The following PEX14 variants were observed in gnomAD, a reference collection of about 807,000 sequenced individuals.
PEX14 encodes peroxisomal membrane protein PEX14.
PEX14 carries 15 observed loss-of-function variants against 49.5 expected under a neutral mutation model. That is an observed-to-expected ratio of 0.30 (90% CI 0.20 to 0.47). The LOEUF is 0.47. Ranked by LOEUF, PEX14 falls within the 20% of genes least tolerant of loss-of-function variation. The pLI is 1.00. For missense variants in PEX14, 398 were observed against 494.8 expected, an observed-to-expected ratio of 0.80 and a Z score of 1.86; for synonymous variants, 210 against 212.7, an observed-to-expected ratio of 0.99 and a Z score of 0.11.
chr1:10,511,256 G>GT (rs1242157692), intron 2 of PEX14, among the ~76,000 whole-genome samples: 1 of 152,064 alleles, frequency 6.6e-6, no homozygotes, highest in African/African-American at 2.4e-5. Flanking sequence ...GTTATCTCCT[G>GT]TTTTTTCTAA....
chr1:10,496,437 C>A lies in PEX14; in HGVS notation c.84+1116C>A, dbSNP rs565633294. The stretch of plus-strand genomic sequence containing the variant: ...GGAGGCCCCACCTTGCTAGTCTCTC[C>A]GGACGTCTGCCTGCTTCCCTGGGGC... On this transcript the variant is annotated intron_variant, in intron 2 of 8. Coordinates refer to ENST00000356607, the MANE Select transcript of PEX14 (RefSeq NM_004565.3). Among the ~76,000 whole-genome samples the A allele has an allele frequency of 3.3e-5, 5 of 152,282 alleles. No individual in the cohort carries two copies. In the East Asian group the frequency reaches 9.7e-4, roughly 29 times the overall value.
chr1:10,600,726 T>A (rs1031517818), intron 4 of PEX14, among the ~76,000 whole-genome samples: 2 of 151,794 alleles, frequency 1.3e-5, no homozygotes, highest in Admixed American at 6.6e-5. Context: ...TCAAAAAAAA[T>A]AAAATAAAAT....
At chr1:10,606,328 G>C (rs1212325268) in intron 4 of PEX14, among the ~76,000 whole-genome samples, 1 of 152,190 alleles carries the variant, frequency 6.6e-6, no homozygotes, top group Non-Finnish European at 1.5e-5. Context: ...GGAGAAAGCG[G>C]GAAAAGGGCA....
At chr1:10,484,969 C>G (rs941845945) in intron 1 of PEX14, among the ~76,000 whole-genome samples, 6 of 151,692 alleles carry the variant, frequency 4.0e-5, no homozygotes, top group Admixed American at 3.9e-4. Flanking sequence ...TCACCTTTGC[C>G]ATATTGTGTT....
At chr1:10,607,362 A>G (rs1641157142) in intron 4 of PEX14, among the ~76,000 whole-genome samples, 1 of 152,134 alleles carries the variant, frequency 6.6e-6, no homozygotes, top group Non-Finnish European at 1.5e-5. Context: ...GAACATTCGT[A>G]TACAAGTCTT....
At position 10,599,250 on chromosome 1, in the gene PEX14, A is replaced by G. The variant is rs1481876488; in HGVS notation, c.182A>G (p.Glu61Gly). 1 of 1,614,054 alleles carries G rather than the reference A, an allele frequency of 6.2e-7. No individual in the cohort carries two copies. Among genetic ancestry groups the G allele is most frequent in the Non-Finnish European group, 8.5e-7 (1 of 1,179,994 alleles). ...CTCTTCTCCCCAGGGCTGACAGATG[A>G]AGAGATTGATATGGCCTTCCAGCAG... ...AFLKKKGLTD[E>G]EIDMAFQQSG... Residue 61 changes from glutamate to glycine, a missense_variant, in exon 4 of 9, where the codon GAA becomes GGA. Glu to Gly is a moderately conservative substitution (Grantham distance 98). Coordinates refer to ENST00000356607, the MANE Select transcript of PEX14 (RefSeq NM_004565.3).
chr1:10,566,509 GT>G (rs1639808217), intron 3 of PEX14, among the ~76,000 whole-genome samples: 1 of 146,004 alleles, frequency 6.8e-6, no homozygotes, highest in Non-Finnish European at 1.5e-5. Context: ...TTTTTTTGAC[GT>G]GGAATTTCAC....
intron 5 of PEX14, among the ~76,000 whole-genome samples, chr1:10,619,790 C>G (rs766433650): frequency 2.0e-5 from 3 of 152,116 alleles, no homozygotes; most frequent in Non-Finnish European, 4.4e-5. Context: ...ATTCCTGGAG[C>G]TGGACATTTC....
In PEX14 at chr1:10,495,157, T is replaced by A. The variant is rs1641536081; in HGVS notation, c.37-117T>A. On this transcript the variant is annotated intron_variant, in intron 1 of 8. Transcript: ENST00000356607. The surrounding 1 kb of genome is among the most constrained non-coding windows in gnomAD (Gnocchi z 4.2). ...ATACTCTTGTGTCGTGAAAAACCAG[T>A]GAGAGATGTGAGAAAGAGGTGCCAG... The A allele has an allele frequency of 1.9e-6, 3 of 1,568,572 alleles. No homozygotes were observed. The African/African-American group carries it at 4.0e-5, about 21-fold the overall frequency.
intron 2 of PEX14, among the ~76,000 whole-genome samples, chr1:10,526,407 C>T (rs547862049): frequency 2.6e-5 from 4 of 152,136 alleles, no homozygotes; most frequent in Admixed American, 6.5e-5. Context: ...TTATTACAGA[C>T]GGTGTTTCAC....
At chr1:10,567,733 G>C (rs965316776) in intron 3 of PEX14, among the ~76,000 whole-genome samples, 2 of 152,144 alleles carry the variant, frequency 1.3e-5, no homozygotes, top group Non-Finnish European at 2.9e-5. Flanking sequence ...GACCTCAAGT[G>C]ATCCGCCTGC....
At chr1:10,600,298 G>T (rs1181686695) in intron 4 of PEX14, among the ~76,000 whole-genome samples, 1 of 152,134 alleles carries the variant, frequency 6.6e-6, no homozygotes. Flanking sequence ...GCAGGCGCCT[G>T]TAATCCCTGC....
chr1:10,627,274 C>A lies in PEX14; in HGVS notation c.588C>A (p.Ala196=). Residue 196 remains alanine (A), a splice_region_variant and synonymous_variant, in exon 8 of 9, where the codon GCC becomes GCA. Transcript: ENST00000356607. ...ELAHELAAAK[A]TTSTNWILES... The stretch of plus-strand genomic sequence containing the variant: ...GCCTCCCTGTGCTCTGCTTTCAGGC[C>A]ACCACATCCACCAACTGGATCCTGG... The A allele has an allele frequency of 1.2e-6, 2 of 1,612,506 alleles. No individual in the cohort carries two copies. Among genetic ancestry groups the A allele is most frequent in the Non-Finnish European group, 1.7e-6 (2 of 1,178,768 alleles).
At chr1:10,535,873 G>A (rs369407924) in intron 2 of PEX14, 59 of 371,666 alleles carry the variant, frequency 1.6e-4, no homozygotes, top group East Asian at 1.5e-3. Context: ...AGCATACAGG[G>A]CACAAGGGCG....
At chr1:10,507,785 A>G (rs1641812477) in intron 2 of PEX14, among the ~76,000 whole-genome samples, 1 of 152,170 alleles carries the variant, frequency 6.6e-6, no homozygotes, top group Non-Finnish European at 1.5e-5. Flanking sequence ...TTTTATTTCT[A>G]CTTTCTCTGC....
intron 1 of PEX14, among the ~76,000 whole-genome samples, chr1:10,489,542 C>G (rs1222713331): frequency 1.3e-5 from 2 of 152,180 alleles, no homozygotes; most frequent in Non-Finnish European, 2.9e-5. Flanking sequence ...ACTCATGATT[C>G]CCCTGAGAGT....
At chr1:10,480,386 ACTTTTT>A (rs1641262403) in intron 1 of PEX14, among the ~76,000 whole-genome samples, 1 of 92,978 alleles carries the variant, frequency 1.1e-5, no homozygotes, top group Non-Finnish European at 2.2e-5. Context: ...CGCCTGGCTA[ACTTTTT>A]TTTTTTTTTT....
Position 10,475,146 on chromosome 1 carries a change from C to T in PEX14, c.36+144C>T, listed in dbSNP as rs1641171989. ...TTGCCCCCTCCTGAGCCCCGCCCCT[C>T]CCCAGGTCCTCCCCACCCGGCCCCT... On this transcript the variant is annotated intron_variant, in intron 1 of 8. Coordinates refer to ENST00000356607, the MANE Select transcript of PEX14 (RefSeq NM_004565.3). 3 of 747,866 alleles carry T rather than the reference C, an allele frequency of 4.0e-6. No homozygotes were observed. In the African/African-American group the frequency reaches 5.2e-5, roughly 13 times the overall value. 46.3% of individuals were successfully genotyped at this position (747,866 alleles called of 1,614,324 possible).
At chr1:10,599,477 A>C in intron 4 of PEX14, 111 bp downstream of exon 4, 1 of 1,267,288 alleles carries the variant, frequency 7.9e-7, no homozygotes. Flanking sequence ...AACTGGGAGC[A>C]GCAGAAAGCT....
Sources: gnomAD v4.1 joint callset for allele counts (sites outside exome capture counted in the v4.1 genomes callset) on GRCh38, gnomAD v4.1.1 for gene constraint, Gnocchi (gnomAD v3.1) non-coding constraint, MANE v1.5 for transcripts, NCBI Gene and HGNC (gene_info 2026-07-23, HGNC 2026-07-21) for gene names.